The following OSBPL3 variants were observed in gnomAD, a reference collection of about 807,000 sequenced individuals.
OSBPL3 encodes the protein oxysterol binding protein like 3.
In OSBPL3, 65 loss-of-function variants were observed where a neutral mutation model predicts 120.1. That is an observed-to-expected ratio of 0.54 (90% CI 0.44 to 0.67). OSBPL3 has a LOEUF of 0.67. OSBPL3 is among the 30% of genes least tolerant of loss of function. The probability of loss-of-function intolerance (pLI) is 0.00; values close to 1 mark genes in which losing one functional copy is unlikely to be tolerated. For missense variants in OSBPL3, 1,004 were observed against 1,082.1 expected, an observed-to-expected ratio of 0.93 and a Z score of 1.01; for synonymous variants, 416 against 402.6, an observed-to-expected ratio of 1.03 and a Z score of -0.40.
rs936573212 is a variant in OSBPL3, at chr7:24,803,355, C to G, written c.2567+960G>C. On this transcript the variant is annotated intron_variant, in intron 22 of 22. Coordinates refer to ENST00000313367, the MANE Select transcript of OSBPL3 (RefSeq NM_015550.4). The surrounding 1 kb of genome is among the most constrained non-coding windows in gnomAD (Gnocchi z 4.2). ...GCCCTGGCCTGGTAGTGAGGAGAGT[C>G]AGGCCCCATTCCAGGGTATTATACC... Among the ~76,000 whole-genome samples, 1 of 152,178 alleles carries G rather than the reference C, an allele frequency of 6.6e-6. No homozygotes were observed. Among genetic ancestry groups the G allele is most frequent in the African/African-American group, 2.4e-5 (1 of 41,438 alleles).
intron 1 of OSBPL3, among the ~76,000 whole-genome samples, chr7:24,928,102 G>A (rs1002028329): frequency 1.3e-5 from 2 of 151,724 alleles, no homozygotes; most frequent in Non-Finnish European, 2.9e-5. Context: ...CTCCCCCTTC[G>A]CCTTCTGCCA....
upstream of OSBPL3, chr7:24,981,420 C>T (rs534243596): frequency 6.6e-6 from 1 of 152,492 alleles, no homozygotes; most frequent in African/African-American, 2.4e-5. The surrounding 1 kb of genome is among the most constrained non-coding windows in gnomAD (Gnocchi z 7.3). Context: ...GGGCACCGCG[C>T]GTGGCTCGCT....
Position 24,932,011 on chromosome 7 carries a change from G to C in OSBPL3, c.-149-39390C>G, listed in dbSNP as rs1424179878. On this transcript the variant is annotated intron_variant, in intron 1 of 22. Transcript: ENST00000313367. The surrounding 1 kb of genome is among the most constrained non-coding windows in gnomAD (Gnocchi z 5.6). ...AAACACAACCCCTTTGGGTCTCAGTGACTGATCTGTAAAACAAAACATGTA... is the reference window on the plus strand; with the variant it reads ...AAACACAACCCCTTTGGGTCTCAGTCACTGATCTGTAAAACAAAACATGTA... Among the ~76,000 whole-genome samples, 1 of 152,194 alleles carries C rather than the reference G, an allele frequency of 6.6e-6. No individual in the cohort carries two copies. Among genetic ancestry groups the C allele is most frequent in the African/African-American group, 2.4e-5 (1 of 41,450 alleles).
chr7:24,881,146 A>G lies in OSBPL3; in HGVS notation c.97-9077T>C, dbSNP rs537728868. Among the ~76,000 whole-genome samples, 1 of 152,372 alleles carries G rather than the reference A, an allele frequency of 6.6e-6. No individual in the cohort carries two copies. The highest frequency in any genetic ancestry group is 2.4e-5 in the African/African-American group (1 of 41,592). ...GCTAATTGAAATTTGCAATCAAAGC[A>G]GAGATACATTCTGACTAATCAACAC... On this transcript the variant is annotated intron_variant, in intron 2 of 22. Transcript: ENST00000313367. This position sits in a 1 kb window ranked among gnomAD's most constrained non-coding sequence, Gnocchi z 4.3.
At chr7:24,915,819 C>T (rs1040396029) in intron 1 of OSBPL3, among the ~76,000 whole-genome samples, 2 of 152,284 alleles carry the variant, frequency 1.3e-5, no homozygotes, top group Middle Eastern at 3.4e-3. Context: ...TAGTGGTCCA[C>T]CCACCTCGGC....
intron 1 of OSBPL3, among the ~76,000 whole-genome samples, chr7:24,928,404 G>A (rs887164286): frequency 6.6e-6 from 1 of 152,010 alleles, no homozygotes; most frequent in Admixed American, 6.6e-5. Context: ...TGTTAGCCAG[G>A]ATGGTCTCGA....
intron 1 of OSBPL3, among the ~76,000 whole-genome samples, chr7:24,979,432 C>T (rs112584995): frequency 6.6e-6 from 1 of 152,046 alleles, no homozygotes. Context: ...GAGCGCCTGC[C>T]CCGCGAGCGT....
chr7:24,878,484 TAAGA>T (rs1391281084), intron 2 of OSBPL3, among the ~76,000 whole-genome samples: 1 of 152,226 alleles, frequency 6.6e-6, no homozygotes, highest in African/African-American at 2.4e-5. Context: ...CACGGCCTAT[TAAGA>T]AAGGCTAACG....
At chr7:24,884,662 T>C (rs1032735271) in intron 2 of OSBPL3, among the ~76,000 whole-genome samples, 9 of 152,154 alleles carry the variant, frequency 5.9e-5, no homozygotes, top group African/African-American at 1.7e-4. Flanking sequence ...AACACTTACA[T>C]AGCACTTCCT....
rs532169872 is a variant in OSBPL3 at position 24,894,734 on chromosome 7, T to G, written c.-149-2113A>C. Among the ~76,000 whole-genome samples the G allele has an allele frequency of 6.6e-6, 1 of 152,136 alleles. No homozygotes were observed. Among genetic ancestry groups the G allele is most frequent in the Non-Finnish European group, 1.5e-5 (1 of 68,026 alleles). On this transcript the variant is annotated intron_variant, in intron 1 of 22. Coordinates refer to ENST00000313367, the MANE Select transcript of OSBPL3 (RefSeq NM_015550.4). The surrounding 1 kb of genome is among the most constrained non-coding windows in gnomAD (Gnocchi z 4.1). ...GAGTCTGGGATGAGAGGGGTGTGTG[T>G]GCAATGTAAAGGGAGAGAAACGTGG...
In OSBPL3 at chr7:24,898,489, A is replaced by G. The variant is rs928429087; in HGVS notation, c.-149-5868T>C. ...CACTTTTGGCAAGACAGGAGTCAAG[A>G]GGCCTAAAGACTCAAATGCTTACTC... On this transcript the variant is annotated intron_variant, in intron 1 of 22. Transcript: ENST00000313367. This position sits in a 1 kb window ranked among gnomAD's most constrained non-coding sequence, Gnocchi z 4.3. 1.3e-5 allele frequency among the ~76,000 whole-genome samples: 2 copies of G among 152,190 alleles called. No individual in the cohort carries two copies. Among genetic ancestry groups the G allele is most frequent in the African/African-American group, 4.8e-5 (2 of 41,446 alleles).
chr7:24,939,038 A>T lies in OSBPL3; in HGVS notation c.-150+40848T>A, dbSNP rs1035677631. Among the ~76,000 whole-genome samples the T allele has an allele frequency of 6.6e-6, 1 of 152,158 alleles. No individual in the cohort carries two copies. Among genetic ancestry groups the T allele is most frequent in the Non-Finnish European group, 1.5e-5 (1 of 68,034 alleles). ...ATTAAAGAATTTTTAGCACAGAGAT[A>T]TTGGATGAAATCATAGGAACAGTTA... On this transcript the variant is annotated intron_variant, in intron 1 of 22. Coordinates refer to ENST00000313367, the MANE Select transcript of OSBPL3 (RefSeq NM_015550.4). This position sits in a 1 kb window ranked among gnomAD's most constrained non-coding sequence, Gnocchi z 4.2.
Position 24,938,271 on chromosome 7 carries a change from C to T in OSBPL3, c.-150+41615G>A, listed in dbSNP as rs1014108908. On this transcript the variant is annotated intron_variant, in intron 1 of 22. Coordinates refer to ENST00000313367, the MANE Select transcript of OSBPL3 (RefSeq NM_015550.4). This position sits in a 1 kb window ranked among gnomAD's most constrained non-coding sequence, Gnocchi z 5.8. ...TCTTGCCTTCCACCACGTGAGGACA[C>T]AAAGAAGGCATCATCTATGATGCAG... 2.0e-5 allele frequency among the ~76,000 whole-genome samples: 3 copies of T among 152,216 alleles called. No individual in the cohort carries two copies. Among genetic ancestry groups the T allele is most frequent in the Non-Finnish European group, 1.5e-5 (1 of 68,034 alleles).
In OSBPL3 at chr7:24,852,827, G is replaced by A. The variant is rs1246134658; in HGVS notation, c.1028-193C>T. Among the ~76,000 whole-genome samples the A allele has an allele frequency of 6.6e-6, 1 of 152,056 alleles. No homozygotes were observed. The highest frequency in any genetic ancestry group is 1.5e-5 in the Non-Finnish European group (1 of 68,012). The stretch of plus-strand genomic sequence containing the variant: ...GTAGAACACGCTAATGTAAACTAAG[G>A]CCTCTGGATGATGATGTGTCCACGT... On this transcript the variant is annotated intron_variant, in intron 10 of 22. Transcript: ENST00000313367. This position sits in a 1 kb window ranked among gnomAD's most constrained non-coding sequence, Gnocchi z 4.1.
Position 24,930,001 on chromosome 7 carries a change from C to A in OSBPL3, c.-149-37380G>T, listed in dbSNP as rs1431239544. On this transcript the variant is annotated intron_variant, in intron 1 of 22. Coordinates refer to ENST00000313367, the MANE Select transcript of OSBPL3 (RefSeq NM_015550.4). The surrounding 1 kb of genome is among the most constrained non-coding windows in gnomAD (Gnocchi z 4.4). ...GTTAGTCTTCACCTCTCTGGGTTCT[C>A]ATAGAGCAAGGTAAGGGTAAAGTAA... Among the ~76,000 whole-genome samples the A allele has an allele frequency of 6.6e-6, 1 of 152,096 alleles. No individual in the cohort carries two copies. The highest frequency in any genetic ancestry group is 1.5e-5 in the Non-Finnish European group (1 of 68,006).
At chr7:24,948,986 C>A (rs1814065500) in intron 1 of OSBPL3, among the ~76,000 whole-genome samples, 1 of 152,190 alleles carries the variant, frequency 6.6e-6, no homozygotes, top group South Asian at 2.1e-4. Context: ...AAAGAGTCTG[C>A]ATATCATGAT....
At chr7:24,970,209 G>A (rs1816855924) in intron 1 of OSBPL3, among the ~76,000 whole-genome samples, 1 of 149,716 alleles carries the variant, frequency 6.7e-6, no homozygotes, top group Non-Finnish European at 1.5e-5. Flanking sequence ...CCCGGTTCAA[G>A]CGATTCTTCT....
chr7:24,941,602 C>T (rs1327756674), intron 1 of OSBPL3, among the ~76,000 whole-genome samples: 5 of 152,186 alleles, frequency 3.3e-5, no homozygotes, highest in Non-Finnish European at 7.3e-5. Context: ...CACTGGCTTT[C>T]AAGCTCTTAT....
intron 10 of OSBPL3, among the ~76,000 whole-genome samples, chr7:24,860,310 A>C (rs1800349328): frequency 6.6e-6 from 1 of 152,162 alleles, no homozygotes. Flanking sequence ...AACCCTACAG[A>C]TATGGTTTGG....
Sources: gnomAD v4.1 joint callset for allele counts (sites outside exome capture counted in the v4.1 genomes callset) on GRCh38, gnomAD v4.1.1 for gene constraint, Gnocchi (gnomAD v3.1) non-coding constraint, MANE v1.5 for transcripts, NCBI Gene and HGNC (gene_info 2026-07-23, HGNC 2026-07-21) for gene names.